The following CPNE8 variants were observed in gnomAD, a reference collection of about 807,000 sequenced individuals.
The protein encoded by CPNE8 is copine-8.
In CPNE8, 45 loss-of-function variants were observed where a neutral mutation model predicts 81.5. The observed-to-expected ratio is 0.55, with a 90% CI of 0.44 to 0.71. The LOEUF (loss-of-function observed/expected upper bound fraction) is 0.71, where lower values mean the gene tolerates loss of function less well. CPNE8 is among the 30% of genes least tolerant of loss of function. The pLI is 0.00. For missense variants in CPNE8, 594 were observed against 672.1 expected, an observed-to-expected ratio of 0.88 and a Z score of 1.28; for synonymous variants, 252 against 226.3, an observed-to-expected ratio of 1.11 and a Z score of -1.02.
chr12:38,739,631 AT>A (rs924342966), intron 10 of CPNE8, among the ~76,000 whole-genome samples: 3 of 151,956 alleles, frequency 2.0e-5, no homozygotes, highest in African/African-American at 4.8e-5. Flanking sequence ...CTTTCTAATA[AT>A]TTTTTTCACC....
At chr12:38,792,515 C>G (rs1942350743) in intron 6 of CPNE8, among the ~76,000 whole-genome samples, 1 of 151,498 alleles carries the variant, frequency 6.6e-6, no homozygotes, top group Non-Finnish European at 1.5e-5. Context: ...CATGAACTAT[C>G]AAGACTGGAT....
intron 6 of CPNE8, among the ~76,000 whole-genome samples, chr12:38,778,923 G>A (rs1941990013): frequency 6.6e-6 from 1 of 152,106 alleles, no homozygotes; most frequent in African/African-American, 2.4e-5. Context: ...CACATGTCAA[G>A]ATCTTCCATC....
At chr12:38,725,039 T>G in intron 11 of CPNE8, 140 bp from the exon 12 acceptor site, 1 of 780,608 alleles carries the variant, frequency 1.3e-6, no homozygotes, top group Non-Finnish European at 2.1e-6. Context: ...CAGTATGACT[T>G]TGGACAGTCA....
intron 6 of CPNE8, among the ~76,000 whole-genome samples, chr12:38,781,033 T>A (rs1031857677): frequency 2.0e-5 from 3 of 152,138 alleles, no homozygotes; most frequent in South Asian, 4.1e-4. Flanking sequence ...GGTGATAATT[T>A]AAGTTAAAGC....
At chr12:38,669,151 T>C (rs1166900781) in intron 19 of CPNE8, among the ~76,000 whole-genome samples, 1 of 152,180 alleles carries the variant, frequency 6.6e-6, no homozygotes, top group Admixed American at 6.5e-5. Flanking sequence ...GTTAACCTAA[T>C]CATTTATGTG....
chr12:38,845,011 A>G (rs1386360818), intron 4 of CPNE8, among the ~76,000 whole-genome samples: 1 of 151,952 alleles, frequency 6.6e-6, no homozygotes, highest in Non-Finnish European at 1.5e-5. Flanking sequence ...GTCACACCCA[A>G]CTAAAACAGA....
At chr12:38,658,002 T>A (rs1175869005) in intron 19 of CPNE8, among the ~76,000 whole-genome samples, 1 of 152,082 alleles carries the variant, frequency 6.6e-6, no homozygotes, top group African/African-American at 2.4e-5. Context: ...CACCAAAAGA[T>A]CACAGCTCCT....
rs1197003215 is a variant in CPNE8, at chr12:38,766,674, A to G, written c.575+961T>C. Among the ~76,000 whole-genome samples the G allele has an allele frequency of 2.6e-5, 4 of 152,266 alleles. No individual in the cohort carries two copies. In the South Asian group the frequency reaches 8.3e-4, roughly 32 times the overall value. The stretch of plus-strand genomic sequence containing the variant: ...AACAACATATTGTATAGTTTCATAT[A>G]TAAGTGCAGCATTTTTTCCCATTCT... On this transcript the variant is annotated intron_variant, in intron 8 of 19. Transcript: ENST00000331366.
intron 1 of CPNE8, among the ~76,000 whole-genome samples, chr12:38,874,733 T>C (rs1944043192): frequency 6.6e-6 from 1 of 152,132 alleles, no homozygotes; most frequent in East Asian, 1.9e-4. Context: ...AAAGCTTTTA[T>C]TTTCTCAGAC....
chr12:38,798,961 C>T (rs1298044255), intron 6 of CPNE8, among the ~76,000 whole-genome samples: 3 of 152,170 alleles, frequency 2.0e-5, no homozygotes, highest in East Asian at 3.9e-4. Flanking sequence ...AAGGCCATTA[C>T]ATAATGGTAA....
chr12:38,808,920 A>C (rs901806357), intron 6 of CPNE8, among the ~76,000 whole-genome samples: 3 of 152,100 alleles, frequency 2.0e-5, no homozygotes, highest in African/African-American at 7.2e-5. Context: ...CACGCTAGTA[A>C]ACAGGTAAAT....
intron 10 of CPNE8, among the ~76,000 whole-genome samples, chr12:38,760,175 G>T (rs1299683139): frequency 1.3e-5 from 2 of 152,100 alleles, no homozygotes; most frequent in Admixed American, 1.3e-4. Context: ...AGCACCTAGA[G>T]AGGCAGCAGT....
At chr12:38,747,278 G>T (rs1355045154) in intron 10 of CPNE8, among the ~76,000 whole-genome samples, 1 of 152,102 alleles carries the variant, frequency 6.6e-6, no homozygotes, top group Non-Finnish European at 1.5e-5. Flanking sequence ...TCACACACAG[G>T]TGAAGTCTCT....
chr12:38,874,678 T>C (rs1944042427), intron 1 of CPNE8, among the ~76,000 whole-genome samples, 167 bp from the exon 2 acceptor site: 1 of 152,178 alleles, frequency 6.6e-6, no homozygotes, highest in African/African-American at 2.4e-5. Context: ...AAGGGTCTGC[T>C]TGTATATATT....
At chr12:38,742,439 A>C (rs1941129002) in intron 10 of CPNE8, among the ~76,000 whole-genome samples, 1 of 151,632 alleles carries the variant, frequency 6.6e-6, no homozygotes. Flanking sequence ...ACAAAAAACC[A>C]AACACCGCAT....
chr12:38,760,907 TA>T lies in CPNE8; in HGVS notation c.681-20del. The T allele has an allele frequency of 6.5e-7, 1 of 1,537,714 alleles. No individual in the cohort carries two copies. The highest frequency in any genetic ancestry group is 1.4e-5 in the African/African-American group (1 of 69,746). ...GATTGTTCTGTACATGAGAAAAACA[TA>T]CACATAAAGTTACTTAGTAAGATCA... On this transcript the variant is annotated intron_variant, in intron 9 of 19. Coordinates refer to ENST00000331366, the MANE Select transcript of CPNE8 (RefSeq NM_153634.3).
intron 13 of CPNE8, among the ~76,000 whole-genome samples, chr12:38,713,431 T>C (rs1361476459): frequency 6.6e-6 from 1 of 152,172 alleles, no homozygotes; most frequent in African/African-American, 2.4e-5. Context: ...TACAAAAGCA[T>C]GTTTTCTTAT....
At chr12:38,865,939 C>T (rs1237181647) in intron 3 of CPNE8, among the ~76,000 whole-genome samples, 2 of 152,120 alleles carry the variant, frequency 1.3e-5, no homozygotes, top group Non-Finnish European at 2.9e-5. Context: ...TATATTAACC[C>T]ACAGTTTCTG....
intron 19 of CPNE8, among the ~76,000 whole-genome samples, chr12:38,657,982 G>A (rs146465834): frequency 0.022 from 3,371 of 152,188 alleles, 123 homozygotes; most frequent in African/African-American, 0.076. Context: ...AAACCAGAGC[G>A]CCACTTCTCC....
Sources: allele counts gnomAD v4.1 joint callset (sites outside exome capture counted in the v4.1 genomes callset), GRCh38; gene constraint gnomAD v4.1.1; transcripts MANE v1.5; gene names NCBI Gene and HGNC (gene_info 2026-07-23, HGNC 2026-07-21).